LY75: variants seen among roughly 807,000 people sequenced by gnomAD.
LY75 encodes the protein C-type lectin domain family 13 member B.
In LY75, 185 loss-of-function variants were observed where a neutral mutation model predicts 231.7. The observed-to-expected ratio is 0.80, with a 90% CI of 0.71 to 0.90. The LOEUF (loss-of-function observed/expected upper bound fraction) is 0.90, where lower values mean the gene tolerates loss of function less well. LY75 is among the 40% of genes least tolerant of loss of function. The pLI, the probability that LY75 is intolerant of heterozygous loss-of-function variation, is 0.00. For missense variants in LY75, 1,947 were observed against 2,050.2 expected, an observed-to-expected ratio of 0.95 and a Z score of 0.97; for synonymous variants, 668 against 689.0, an observed-to-expected ratio of 0.97 and a Z score of 0.48.
rs1052171885 is a variant in LY75 at position 159,840,876 on chromosome 2, C to A, written c.3360G>T (p.Lys1120Asn). Residue 1120 changes from lysine to asparagine, a missense_variant, in exon 25 of 35, where the codon AAG becomes AAT. Coordinates refer to ENST00000263636, the MANE Select transcript of LY75 (RefSeq NM_002349.4). ...YLNNLYKIIP[K>N]TLTWHSAKRE... is the part of the protein sequence containing the mutation. ...TTTTAGCACTGTGCCAAGTCAGAGT[C>A]TTTGGGATTATTTTGTACAGATTAT... 1.2e-6 allele frequency: 2 copies of A among 1,613,928 alleles called. No individual in the cohort carries two copies. Among genetic ancestry groups the A allele is most frequent in the Non-Finnish European group, 1.7e-6 (2 of 1,179,988 alleles).
At chr2:159,880,072 A>AT (rs1388691673) in intron 8 of LY75, among the ~76,000 whole-genome samples, 1 of 152,202 alleles carries the variant, frequency 6.6e-6, no homozygotes, top group Admixed American at 6.5e-5. Flanking sequence ...GTCCTTTTAA[A>AT]TAGAGCATCA....
rs2125860355 is a variant in LY75 at position 159,860,805 on chromosome 2, C to T, written c.2268+16G>A. On this transcript the variant is annotated intron_variant, in intron 15 of 34. Transcript: ENST00000263636. ...CTTATGTTTTAAATATGCAGATTTT[C>T]CAGCATTGTACTGACCTTGACAGCA... The T allele has an allele frequency of 6.2e-7, 1 of 1,613,640 alleles. No individual in the cohort carries two copies. The highest frequency in any genetic ancestry group is 8.5e-7 in the Non-Finnish European group (1 of 1,179,700).
intron 31 of LY75, among the ~76,000 whole-genome samples, 176 bp from the exon 32 acceptor site, chr2:159,810,851 G>T (rs1682939252): frequency 6.6e-6 from 1 of 152,116 alleles, no homozygotes; most frequent in Admixed American, 6.5e-5. Flanking sequence ...TAACTTTTTG[G>T]AATACCGTTT....
Position 159,815,626 on chromosome 2 carries a change from G to T in LY75, c.4381-53C>A. Reference sequence around the variant, plus strand: ...GAATCCAGATGTTTGACTTCAAAAAGAATACAAAGAACAACATACATACTT... The same window carrying T: ...GAATCCAGATGTTTGACTTCAAAAATAATACAAAGAACAACATACATACTT... On this transcript the variant is annotated intron_variant, in intron 30 of 34. Coordinates refer to ENST00000263636, the MANE Select transcript of LY75 (RefSeq NM_002349.4). 1.3e-5 allele frequency: 20 copies of T among 1,565,220 alleles called. No individual in the cohort carries two copies. The South Asian group carries it at 2.4e-4, about 19-fold the overall frequency.
chr2:159,855,221 A>G (rs757924646), intron 16 of LY75, among the ~76,000 whole-genome samples: 6 of 152,242 alleles, frequency 3.9e-5, no homozygotes, highest in Non-Finnish European at 8.8e-5. Context: ...AGTAAGACAG[A>G]TAAAATATAG....
chr2:159,829,941 T>C (rs1246689361), intron 28 of LY75, among the ~76,000 whole-genome samples: 1 of 152,208 alleles, frequency 6.6e-6, no homozygotes, highest in Non-Finnish European at 1.5e-5. Context: ...AATCTCTCTG[T>C]CCTGGGTGTG....
At chr2:159,885,525 T>G (rs1047712056) in intron 5 of LY75, among the ~76,000 whole-genome samples, 1 of 152,214 alleles carries the variant, frequency 6.6e-6, no homozygotes, top group African/African-American at 2.4e-5. Flanking sequence ...TGTAGTTAAT[T>G]TTAAAAACAA....
At chr2:159,822,311 C>T (rs936193072) in intron 28 of LY75, among the ~76,000 whole-genome samples, 4 of 152,218 alleles carry the variant, frequency 2.6e-5, no homozygotes, top group Non-Finnish European at 4.4e-5. Flanking sequence ...GCCAGCATAG[C>T]AGCAGTCTGA....
intron 14 of LY75, 145 bp from the exon 15 acceptor site, chr2:159,861,034 C>G: frequency 1.3e-6 from 1 of 751,144 alleles, no homozygotes; most frequent in Non-Finnish European, 2.2e-6. Context: ...TATCATGATG[C>G]TAAATCATGA....
intron 1 of LY75, among the ~76,000 whole-genome samples, chr2:159,901,635 G>A (rs1307560793): frequency 6.6e-6 from 1 of 152,180 alleles, no homozygotes; most frequent in African/African-American, 2.4e-5. Context: ...TTAGGAGTCC[G>A]AGATTGAAAC....
chr2:159,861,943 T>C (rs35307556), intron 14 of LY75, among the ~76,000 whole-genome samples: 3,493 of 149,994 alleles, frequency 0.023, 140 homozygotes, highest in East Asian at 0.16. Flanking sequence ...CTGCCTGAGC[T>C]CAGGAGTTTG....
At chr2:159,827,108 T>C (rs975183828) in intron 28 of LY75, among the ~76,000 whole-genome samples, 1 of 152,018 alleles carries the variant, frequency 6.6e-6, no homozygotes, top group African/African-American at 2.4e-5. Context: ...AATTGACAAA[T>C]GGGATCTAAT....
intron 12 of LY75, among the ~76,000 whole-genome samples, chr2:159,874,732 TA>T (rs1685189077): frequency 1.2e-5 from 1 of 82,366 alleles, no homozygotes. Flanking sequence ...ATTTTGTAAA[TA>T]TATGTAAATA....
At position 159,904,738 on chromosome 2, in the gene LY75, C is replaced by A; in HGVS notation, c.-56G>T. On this transcript the variant is annotated 5_prime_UTR_variant, in exon 1 of 35. Transcript: ENST00000263636. ...CCTCGGGCGCACGCGGCTCCCGCCC[C>A]GCCTGCTGAGCGCGGCCTGCCCCGC... is the stretch of plus-strand genomic sequence containing the variant. 5.9e-6 allele frequency: 8 copies of A among 1,361,424 alleles called. No individual in the cohort carries two copies. Among genetic ancestry groups the A allele is most frequent in the East Asian group, 3.1e-5 (1 of 32,100 alleles). The allele number at this position is 1,361,424 out of a possible 1,614,324, so 84.3% of individuals were successfully genotyped here. A position where few individuals can be genotyped will look rare whatever the true frequency, so the allele number is the denominator to read the frequency against.
rs755770024 is a variant in LY75 at position 159,805,049 on chromosome 2, C to T, written c.5164G>A (p.Asp1722Asn). The change falls in exon 35 of 35, where the codon GAC becomes AAC. Residue 1722 changes from aspartate (D) to asparagine (N), a missense_variant. Physicochemically the swap from Asp to Asn is conservative, Grantham distance 23. Transcript: ENST00000263636. The stretch of plus-strand genomic sequence containing the variant: ...TAGAAAACTTTTAGAAGAATTTAGT[C>T]ATGGAAAGAAGGAAGCATAATCTCA... ...EDEIMLPSFHD is the reference protein window; with the variant it reads ...EDEIMLPSFHN 6.2e-7 allele frequency: 1 copy of T among 1,612,580 alleles called. No individual in the cohort carries two copies. Among genetic ancestry groups the T allele is most frequent in the Non-Finnish European group, 8.5e-7 (1 of 1,179,200 alleles).
chr2:159,842,175 C>CTA (rs1684052506), intron 24 of LY75, 70 bp downstream of exon 24: 1 of 1,407,154 alleles, frequency 7.1e-7, no homozygotes, highest in African/African-American at 1.8e-5. Flanking sequence ...TAGAAAGTGA[C>CTA]TCTCTCTCTC....
chr2:159,805,197 G>C lies in LY75; in HGVS notation c.5016C>G (p.Ile1672Met). The C allele has an allele frequency of 1.9e-6, 3 of 1,614,078 alleles. No homozygotes were observed. The highest frequency in any genetic ancestry group is 1.6e-4 in the Middle Eastern group (1 of 6,062). ...PLGPDYTAIA[I>M]IVATLSILVL... Reference sequence around the variant, plus strand: ...CTAAGATACTTAGTGTGGCAACTATGATAGCTATTGCTGTGTAATCAGGGC... The same window carrying C: ...CTAAGATACTTAGTGTGGCAACTATCATAGCTATTGCTGTGTAATCAGGGC... The change falls in exon 35 of 35, where the codon ATC (isoleucine) becomes ATG (methionine). Residue 1672 changes from isoleucine to methionine, a missense_variant. By Grantham distance (10) the Ile-to-Met change is conservative. Transcript: ENST00000263636.
chr2:159,894,730 T>G (rs750528875), intron 2 of LY75, among the ~76,000 whole-genome samples: 1 of 152,200 alleles, frequency 6.6e-6, no homozygotes, highest in Non-Finnish European at 1.5e-5. Flanking sequence ...AAGCAGCAGC[T>G]TCAATGGGGC....
intron 28 of LY75, among the ~76,000 whole-genome samples, chr2:159,829,831 A>T (rs1289878583): frequency 6.6e-6 from 1 of 152,210 alleles, no homozygotes; most frequent in Non-Finnish European, 1.5e-5. Flanking sequence ...TAAAACAATA[A>T]GGGAGTCTTC....
Sources: gnomAD v4.1 joint callset for allele counts (sites outside exome capture counted in the v4.1 genomes callset) on GRCh38, gnomAD v4.1.1 for gene constraint, MANE v1.5 for transcripts, NCBI Gene and HGNC (gene_info 2026-07-23, HGNC 2026-07-21) for gene names.